Variants in TEX10 observed in about 807,000 individuals in gnomAD.
TEX10 encodes the protein testis expressed 10, also known as testis-expressed protein 10.
Under a neutral mutation model 104.4 loss-of-function variants are expected in TEX10, and 24 were observed. The observed-to-expected ratio is 0.23, with a 90% CI of 0.17 to 0.32. The LOEUF (loss-of-function observed/expected upper bound fraction) is 0.32, where lower values mean the gene tolerates loss of function less well. TEX10 is among the 10% of genes least tolerant of loss of function. The pLI, the probability that TEX10 is intolerant of heterozygous loss-of-function variation, is 1.00. For synonymous variants in TEX10, 396 were observed against 393.4 expected (o/e 1.01, Z -0.08); for missense variants, 921 against 1,083.9 (o/e 0.85, Z 2.11).
intron 9 of TEX10, among the ~76,000 whole-genome samples, chr9:100,323,802 G>C (rs1183864883): frequency 1.3e-5 from 2 of 152,138 alleles, no homozygotes; most frequent in Non-Finnish European, 2.9e-5. Context: ...TGATCTCACA[G>C]ACCAATTAGT....
At chr9:100,326,271 A>G (rs993557027) in intron 9 of TEX10, 31 bp downstream of exon 9, 1 of 1,593,832 alleles carries the variant, frequency 6.3e-7, no homozygotes, top group Non-Finnish European at 8.6e-7. Flanking sequence ...AAGATTATAC[A>G]CTTAAAATAC....
chr9:100,316,302 A>AT (rs1834417121), intron 11 of TEX10, among the ~76,000 whole-genome samples: 1 of 152,202 alleles, frequency 6.6e-6, no homozygotes, highest in South Asian at 2.1e-4. Flanking sequence ...GACACAAAAA[A>AT]TGCATTTGAT....
rs1296260265 is a variant in TEX10, at chr9:100,352,738, G to A, written c.-10+34C>T. The A allele has an allele frequency of 5.0e-6, 6 of 1,189,180 alleles. No individual in the cohort carries two copies. The African/African-American group carries it at 8.1e-5, about 16-fold the overall frequency. The allele number at this position is 1,189,180 out of a possible 1,614,324, so 73.7% of individuals were successfully genotyped here. On this transcript the variant is annotated intron_variant, in intron 1 of 14. Coordinates refer to ENST00000374902, the MANE Select transcript of TEX10 (RefSeq NM_017746.4). ...CCACCACGCTCAGTCCCGCGCCCCG[G>A]GAGGACCCGGCCCGACGGGCGACGG...
At chr9:100,343,495 GATT>G (rs1335459784) in intron 4 of TEX10, among the ~76,000 whole-genome samples, 1 of 150,986 alleles carries the variant, frequency 6.6e-6, no homozygotes, top group East Asian at 2.0e-4. Flanking sequence ...AACTTCAGTT[GATT>G]ATTACAGAAT....
intron 13 of TEX10, chr9:100,304,154 GTTAA>G: frequency 2.6e-6 from 1 of 379,430 alleles, no homozygotes; most frequent in Non-Finnish European, 5.0e-6. Context: ...AATCAGTATT[GTTAA>G]AATGGCCACA....
At chr9:100,342,143 A>G (rs1835189530) in intron 4 of TEX10, among the ~76,000 whole-genome samples, 1 of 152,190 alleles carries the variant, frequency 6.6e-6, no homozygotes, top group African/African-American at 2.4e-5. Context: ...GCTGTTTCCT[A>G]TGCCTGAATG....
intron 12 of TEX10, 76 bp from the exon 13 acceptor site, chr9:100,308,757 T>C: frequency 7.6e-7 from 1 of 1,316,362 alleles, no homozygotes; most frequent in Non-Finnish European, 1.0e-6. Flanking sequence ...AACCTGTTAA[T>C]TCACGATTAA....
In TEX10 at chr9:100,340,356, C is replaced by A. The variant is rs749205757; in HGVS notation, c.1151G>T (p.Arg384Leu). Residue 384 changes from arginine to leucine, a missense_variant, in exon 5 of 15, where the codon CGA (arginine) becomes CTA (leucine). Around this residue, in one of 3 missense-constraint regions of TEX10, gnomAD observed 753 missense variants for 868.4 expected, o/e 0.87. Coordinates refer to ENST00000374902, the MANE Select transcript of TEX10 (RefSeq NM_017746.4). ...TTTAAAATCAATAAGGTAGTTCTTT[C>A]GAAGCCATGACTCCTATTGAAATAG... ...DETHKLESWL[R>L]KNYLIDFKHH... 1.3e-6 allele frequency: 2 copies of A among 1,556,096 alleles called. No homozygotes were observed. The highest frequency in any genetic ancestry group is 2.1e-5 in the Admixed American group (1 of 46,650).
chr9:100,304,089 A>G (rs1834085046), intron 13 of TEX10: 1 of 544,210 alleles, frequency 1.8e-6, no homozygotes, highest in South Asian at 2.1e-5. Context: ...CTGCTGAGAG[A>G]AATCACAGAT....
chr9:100,310,165 C>G, intron 12 of TEX10, 134 bp downstream of exon 12: 4 of 707,262 alleles, frequency 5.7e-6, no homozygotes, highest in Non-Finnish European at 9.4e-6. Context: ...CTTGCCAATG[C>G]ATCATGCTGC....
At chr9:100,308,385 A>C in intron 13 of TEX10, 115 bp downstream of exon 13, 1 of 823,514 alleles carries the variant, frequency 1.2e-6, no homozygotes, top group Non-Finnish European at 1.7e-6. Context: ...AAACTCTCTG[A>C]AACAGAATTT....
chr9:100,320,505 G>C (rs2118862692), intron 10 of TEX10, 107 bp from the exon 11 acceptor site: 1 of 1,264,702 alleles, frequency 7.9e-7, no homozygotes, highest in South Asian at 1.9e-5. Flanking sequence ...CATTCTTTAA[G>C]CTACCTTGTT....
chr9:100,325,693 G>C (rs184017845), intron 9 of TEX10, among the ~76,000 whole-genome samples: 4 of 152,158 alleles, frequency 2.6e-5, no homozygotes, highest in African/African-American at 9.6e-5. Context: ...ATCATGCCCA[G>C]CTAATTTTTG....
chr9:100,349,765 A>G (rs1835397677), intron 1 of TEX10, among the ~76,000 whole-genome samples: 1 of 152,136 alleles, frequency 6.6e-6, no homozygotes, highest in Non-Finnish European at 1.5e-5. Flanking sequence ...AGAGCCTCGG[A>G]GGAACTTCTC....
At chr9:100,322,559 CACCTATAAGT>C (rs1277024773) in intron 9 of TEX10, among the ~76,000 whole-genome samples, 2 of 152,090 alleles carry the variant, frequency 1.3e-5, no homozygotes, top group African/African-American at 2.4e-5. Context: ...ACTTCTAATT[CACCTATAAGT>C]ACTTAGTAAT....
Position 100,303,691 on chromosome 9 carries a change from G to A in TEX10, c.2617C>T (p.Leu873Phe). The A allele has an allele frequency of 6.2e-7, 1 of 1,614,100 alleles. No individual in the cohort carries two copies. Among genetic ancestry groups the A allele is most frequent in the Non-Finnish European group, 8.5e-7 (1 of 1,180,028 alleles). ...GCATTGGTCAACATATGAGTCCTGA[G>A]GGGTGCATGCTGAAGCAGCAGTCGA... is the stretch of plus-strand genomic sequence containing the variant. ...LLRLLLQHAPLRTHMLTNAIL... is the reference protein window; with the variant it reads ...LLRLLLQHAPFRTHMLTNAIL... The change falls in exon 14 of 15, where the codon CTC (leucine) becomes TTC (phenylalanine). Residue 873 changes from leucine (L) to phenylalanine (F), a missense_variant. Physicochemically the swap from Leu to Phe is conservative, Grantham distance 22 (BLOSUM62 0). Around this residue, in one of 3 missense-constraint regions of TEX10, gnomAD observed 753 missense variants for 868.4 expected, o/e 0.87. Coordinates refer to ENST00000374902, the MANE Select transcript of TEX10 (RefSeq NM_017746.4).
Position 100,302,165 on chromosome 9 carries a change from T to G in TEX10, c.*26A>C, listed in dbSNP as rs1346349011. ...AATAAGATAGATGTGAATAAACAACTTCAAACAGGAGGTACTATGGCCTCT... is the reference window on the plus strand; with the variant it reads ...AATAAGATAGATGTGAATAAACAACGTCAAACAGGAGGTACTATGGCCTCT... On this transcript the variant is annotated 3_prime_UTR_variant, in exon 15 of 15. Coordinates refer to ENST00000374902, the MANE Select transcript of TEX10 (RefSeq NM_017746.4). 2 of 1,383,198 alleles carry G rather than the reference T, an allele frequency of 1.4e-6. No individual in the cohort carries two copies. Among genetic ancestry groups the G allele is most frequent in the Non-Finnish European group, 2.0e-6 (2 of 1,006,278 alleles). 85.7% of individuals were successfully genotyped at this position (1,383,198 alleles called of 1,614,324 possible). A position where few individuals can be genotyped will look rare whatever the true frequency, so the allele number is the denominator to read the frequency against.
At chr9:100,308,391 A>C (rs1445683571) in intron 13 of TEX10, 109 bp downstream of exon 13, 1 of 872,870 alleles carries the variant, frequency 1.1e-6, no homozygotes, top group African/African-American at 1.8e-5. Context: ...TCTGAAACAG[A>C]ATTTAAGGTA....
At position 100,321,788 on chromosome 9, in the gene TEX10, G is replaced by A. The variant is rs763414226; in HGVS notation, c.1980-17C>T. The A allele has an allele frequency of 1.3e-6, 2 of 1,597,398 alleles. No individual in the cohort carries two copies. The highest frequency in any genetic ancestry group is 1.3e-5 in the African/African-American group (1 of 74,686). ...AATGATGATCTATAAAAAACAAAGG[G>A]AGAACTATTACCAGAAGTGACCAAC... On this transcript the variant is annotated splice_polypyrimidine_tract_variant and intron_variant, in intron 9 of 14. Coordinates refer to ENST00000374902, the MANE Select transcript of TEX10 (RefSeq NM_017746.4).
Sources: allele counts gnomAD v4.1 joint callset (sites outside exome capture counted in the v4.1 genomes callset), GRCh38; gene constraint gnomAD v4.1.1; regional missense constraint gnomAD v4.1.1; transcripts MANE v1.5; gene names NCBI Gene and HGNC (gene_info 2026-07-23, HGNC 2026-07-21).